The following SNTG1 variants were observed in gnomAD, a reference collection of about 807,000 sequenced individuals.
The protein encoded by SNTG1 is syntrophin gamma 1.
SNTG1 carries 39 observed loss-of-function variants against 74.7 expected under a neutral mutation model. The ratio of observed to expected loss-of-function variants is 0.52; its 90% CI spans 0.40 to 0.68. SNTG1 has a LOEUF of 0.68. Ranked by LOEUF, SNTG1 falls within the 30% of genes least tolerant of loss-of-function variation. SNTG1 has a pLI of 0.00. For synonymous variants in SNTG1, 254 were observed against 217.1 expected, an observed-to-expected ratio of 1.17 and a Z score of -1.49; for missense variants, 685 against 609.5, an observed-to-expected ratio of 1.12 and a Z score of -1.30.
intron 1 of SNTG1, among the ~76,000 whole-genome samples, chr8:49,999,273 T>C (rs1814526509): frequency 6.6e-6 from 1 of 152,154 alleles, no homozygotes; most frequent in Non-Finnish European, 1.5e-5. Context: ...TCAAAATTTT[T>C]CTTCTCTTTT....
Position 50,548,485 on chromosome 8 carries a change from CAGG to C in SNTG1, c.681-4562_681-4560del, listed in dbSNP as rs552900645. 2.7e-3 allele frequency among the ~76,000 whole-genome samples: 417 copies of C among 152,224 alleles called. 5 individuals carry two copies. The highest frequency in any genetic ancestry group is 4.0e-3 in the East Asian group (21 of 5,188). On this transcript the variant is annotated intron_variant, in intron 11 of 18. Coordinates refer to ENST00000642720, the MANE Select transcript of SNTG1 (RefSeq NM_018967.5). The stretch of plus-strand genomic sequence containing the variant: ...ACATCAGATCTCAAGTTAGCAAAAG[CAGG>C]AGATTGCTAAAGTAAAGTGGAGATG...
intron 4 of SNTG1, among the ~76,000 whole-genome samples, chr8:50,419,835 G>C (rs1414029052): frequency 1.3e-5 from 2 of 151,878 alleles, no homozygotes; most frequent in East Asian, 3.9e-4. Context: ...GAATATCTCA[G>C]CCAAAAAAAA....
intron 8 of SNTG1, among the ~76,000 whole-genome samples, chr8:50,500,746 G>C: frequency 6.6e-6 from 1 of 152,006 alleles, no homozygotes; most frequent in East Asian, 1.9e-4. Context: ...AGAGCTGTTT[G>C]GTGCTGCTTT....
intron 2 of SNTG1, among the ~76,000 whole-genome samples, chr8:50,212,261 G>C (rs1311989083): frequency 1.3e-5 from 2 of 152,138 alleles, no homozygotes; most frequent in Non-Finnish European, 1.5e-5. Flanking sequence ...TCTTTCCTGT[G>C]TTCATCCAGT....
At chr8:49,944,033 T>G (rs114434290) in intron 1 of SNTG1, among the ~76,000 whole-genome samples, 3 of 152,214 alleles carry the variant, frequency 2.0e-5, no homozygotes, top group African/African-American at 7.2e-5. Context: ...ATATTATCAC[T>G]GAAGTATTTG....
intron 10 of SNTG1, among the ~76,000 whole-genome samples, chr8:50,534,139 C>T (rs2094290626): frequency 6.6e-6 from 1 of 152,090 alleles, no homozygotes; most frequent in South Asian, 2.1e-4. Flanking sequence ...TCCTGATTAT[C>T]CAGGTTGAAT....
In SNTG1 at chr8:50,472,792, G is replaced by A. The variant is rs188104661; in HGVS notation, c.363+22063G>A. ...TATATCTGATAAGAAGTTAATATTC[G>A]GAATATATAAAGAACTACATTTAAC... On this transcript the variant is annotated intron_variant, in intron 8 of 18. Coordinates refer to ENST00000642720, the MANE Select transcript of SNTG1 (RefSeq NM_018967.5). Among the ~76,000 whole-genome samples the A allele has an allele frequency of 3.1e-3, 465 of 151,752 alleles. 2 individuals carry two copies. Among genetic ancestry groups the A allele is most frequent in the Non-Finnish European group, 4.5e-3 (308 of 67,900 alleles).
chr8:49,971,288 C>G (rs1443619757), intron 1 of SNTG1, among the ~76,000 whole-genome samples: 1 of 152,150 alleles, frequency 6.6e-6, no homozygotes, highest in Non-Finnish European at 1.5e-5. Flanking sequence ...TCAGTAGATG[C>G]AGAAAAGGCC....
chr8:50,424,628 G>C (rs900351266), intron 4 of SNTG1, among the ~76,000 whole-genome samples: 1 of 152,156 alleles, frequency 6.6e-6, no homozygotes, highest in African/African-American at 2.4e-5. Flanking sequence ...TTAATTAGCT[G>C]ACATGGGAAC....
At chr8:50,096,820 A>G (rs2079945441) in intron 1 of SNTG1, among the ~76,000 whole-genome samples, 3 of 152,198 alleles carry the variant, frequency 2.0e-5, no homozygotes, top group African/African-American at 7.2e-5. Context: ...TTTTTATGCC[A>G]AAGTAGTCAT....
At chr8:50,301,662 A>G (rs1367790985) in intron 2 of SNTG1, among the ~76,000 whole-genome samples, 1 of 152,090 alleles carries the variant, frequency 6.6e-6, no homozygotes, top group African/African-American at 2.4e-5. Flanking sequence ...ACTGTTTTAT[A>G]TAATATATTG....
At chr8:50,755,263 CT>C (rs1002040532) in intron 18 of SNTG1, among the ~76,000 whole-genome samples, 26 of 151,880 alleles carry the variant, frequency 1.7e-4, no homozygotes, top group South Asian at 1.5e-3. Flanking sequence ...CTATTCACCC[CT>C]ATCTTCCCCC....
chr8:50,355,731 G>A (rs746979366), intron 2 of SNTG1, among the ~76,000 whole-genome samples: 1 of 152,180 alleles, frequency 6.6e-6, no homozygotes, highest in Non-Finnish European at 1.5e-5. Context: ...TTTGACCTAA[G>A]TCTGTGAGAT....
chr8:50,324,695 G>A (rs992585439), intron 2 of SNTG1, among the ~76,000 whole-genome samples: 4 of 151,846 alleles, frequency 2.6e-5, no homozygotes, highest in Non-Finnish European at 4.4e-5. Flanking sequence ...CCCAATATAT[G>A]GCTTCTCTTC....
intron 15 of SNTG1, among the ~76,000 whole-genome samples, chr8:50,687,536 C>A (rs918212555): frequency 1.2e-4 from 19 of 152,140 alleles, no homozygotes; most frequent in Admixed American, 7.2e-4. Flanking sequence ...TAAAAGGAGA[C>A]AAGGAGCAAC....
intron 1 of SNTG1, among the ~76,000 whole-genome samples, chr8:49,964,376 C>T (rs1292022531): frequency 6.6e-6 from 1 of 152,190 alleles, no homozygotes; most frequent in Non-Finnish European, 1.5e-5. Flanking sequence ...TTGTCATTCT[C>T]CACAGTTGCA....
chr8:50,016,794 T>A (rs1338189001), intron 1 of SNTG1, among the ~76,000 whole-genome samples: 1 of 152,114 alleles, frequency 6.6e-6, no homozygotes, highest in Non-Finnish European at 1.5e-5. Context: ...AAATGATGTA[T>A]AACAAACCAC....
chr8:50,349,127 A>G (rs536853245), intron 2 of SNTG1, among the ~76,000 whole-genome samples: 27 of 152,342 alleles, frequency 1.8e-4, no homozygotes, highest in Admixed American at 1.7e-3. Flanking sequence ...ATATCTTACT[A>G]TATGATGAAT....
intron 1 of SNTG1, among the ~76,000 whole-genome samples, chr8:49,975,667 C>CACATAAAT (rs1812124470): frequency 6.6e-6 from 1 of 151,880 alleles, no homozygotes; most frequent in Admixed American, 6.6e-5. Context: ...CATAGGTAGT[C>CACATAAAT]CACAAGAAGG....
Sources: allele counts gnomAD v4.1 joint callset (sites outside exome capture counted in the v4.1 genomes callset), GRCh38; gene constraint gnomAD v4.1.1; transcripts MANE v1.5; gene names NCBI Gene and HGNC (gene_info 2026-07-23, HGNC 2026-07-21).